The following ATXN7 variants were observed in gnomAD, a reference collection of about 807,000 sequenced individuals.
The protein encoded by ATXN7 is ataxin 7.
In ATXN7, 12 loss-of-function variants were observed where a neutral mutation model predicts 70.5. That is an observed-to-expected ratio of 0.17 (90% CI 0.11 to 0.28). The LOEUF is 0.28. Among genes scored for constraint, ATXN7 ranks in the 10% least tolerant of loss-of-function variants. The probability of loss-of-function intolerance (pLI) is 1.00; values close to 1 mark genes in which losing one functional copy is unlikely to be tolerated. For missense variants in ATXN7, 1,256 were observed against 1,131.7 expected (o/e 1.11, Z -1.58); for synonymous variants, 498 against 448.7 (o/e 1.11, Z -1.39).
At chr3:63,881,266 T>C (rs1702900139) in intron 1 of ATXN7, among the ~76,000 whole-genome samples, 3 of 149,094 alleles carry the variant, frequency 2.0e-5, no homozygotes, top group Non-Finnish European at 1.5e-5. Context: ...GTAGTACCAA[T>C]GCTGAGAATG....
intron 5 of ATXN7, among the ~76,000 whole-genome samples, chr3:63,956,454 G>A (rs1017600599): frequency 1.3e-5 from 2 of 149,894 alleles, no homozygotes; most frequent in Middle Eastern, 3.2e-3. Flanking sequence ...AAAGAGTAAG[G>A]TGTTTCTTAC....
At chr3:63,972,481 G>A (rs1045043629) in intron 5 of ATXN7, among the ~76,000 whole-genome samples, 1 of 152,134 alleles carries the variant, frequency 6.6e-6, no homozygotes, top group Non-Finnish European at 1.5e-5. Flanking sequence ...CTGAAAGTGT[G>A]AGTGAGTTTC....
At position 63,990,360 on chromosome 3, in the gene ATXN7, C is replaced by T; in HGVS notation, c.1546C>T (p.Pro516Ser). Residue 516 changes from proline to serine, a missense_variant, in exon 10 of 13, where the codon CCT (proline) becomes TCT (serine). Transcript: ENST00000674280. Reference sequence around the variant, plus strand: ...GGACTGTCATTATTCAGGTCATCATCCTCAGCCAGCATCTGTAAGTTCCAC... The same window carrying T: ...GGACTGTCATTATTCAGGTCATCATTCTCAGCCAGCATCTGTAAGTTCCAC... ...KLDCHYSGHH[P>S]QPASFCTFGS... 2 of 1,614,184 alleles carry T rather than the reference C, an allele frequency of 1.2e-6. No homozygotes were observed. Among genetic ancestry groups the T allele is most frequent in the Non-Finnish European group, 1.7e-6 (2 of 1,180,036 alleles).
At chr3:63,892,410 A>ACACC (rs1559622021) in intron 1 of ATXN7, among the ~76,000 whole-genome samples, 1 of 81,164 alleles carries the variant, frequency 1.2e-5, no homozygotes, top group Non-Finnish European at 2.8e-5. Flanking sequence ...ACACACACAC[A>ACACC]CCCGCCAACT....
chr3:63,990,527 C>A, intron 10 of ATXN7, 153 bp downstream of exon 10: 2 of 1,162,906 alleles, frequency 1.7e-6, no homozygotes, highest in Non-Finnish European at 2.5e-6. Context: ...AGAGGCAGCA[C>A]ACACTCTGTA....
chr3:64,001,658 T>G lies in ATXN7; in HGVS notation c.*2191T>G, dbSNP rs1434979919. 6.6e-6 allele frequency: 1 copy of G among 152,212 alleles called. No individual in the cohort carries two copies. Among genetic ancestry groups the G allele is most frequent in the Non-Finnish European group, 1.5e-5 (1 of 68,032 alleles). The allele number at this position is 152,212 out of a possible 1,614,324, so 9.4% of individuals were successfully genotyped here. A position where few individuals can be genotyped will look rare whatever the true frequency, so the allele number is the denominator to read the frequency against. On this transcript the variant is annotated 3_prime_UTR_variant, in exon 13 of 13. Transcript: ENST00000674280. ...TTCTTAGACTGAGGTTTTAAATGAA[T>G]TTCATTATTTCTCCCGGTAATACAC...
intron 5 of ATXN7, among the ~76,000 whole-genome samples, chr3:63,964,957 A>C (rs554541863): frequency 1.3e-5 from 2 of 152,166 alleles, no homozygotes; most frequent in Non-Finnish European, 2.9e-5. Flanking sequence ...GGAGACTTGT[A>C]TTCCTGTAAA....
intron 8 of ATXN7, among the ~76,000 whole-genome samples, chr3:63,986,451 A>ACTTC (rs2075579424): frequency 6.6e-6 from 1 of 152,198 alleles, no homozygotes; most frequent in South Asian, 2.1e-4. Context: ...GGCACCGGGA[A>ACTTC]CATTCAAGCT....
chr3:63,973,691 G>A (rs905022271), intron 5 of ATXN7, among the ~76,000 whole-genome samples: 5 of 152,006 alleles, frequency 3.3e-5, no homozygotes, highest in Non-Finnish European at 5.9e-5. Context: ...ATGAGGATAC[G>A]TGGAACATTG....
chr3:63,863,820 C>T, upstream of ATXN7: 1 of 1,232,624 alleles, frequency 8.1e-7, no homozygotes, highest in Non-Finnish European at 1.0e-6. Flanking sequence ...GCGGCGGCGG[C>T]GGCGCAAGCT....
chr3:63,864,157 AG>A lies in ATXN7; in HGVS notation c.-111+1del, dbSNP rs1702329175. 6.8e-6 allele frequency among the ~76,000 whole-genome samples: 1 copy of A among 146,956 alleles called. No homozygotes were observed. The highest frequency in any genetic ancestry group is 2.5e-5 in the African/African-American group (1 of 40,306). On this transcript the variant is annotated splice_region_variant and 5_prime_UTR_variant, in exon 1 of 13. It introduces an in-frame stop codon into an upstream open reading frame of the 5' UTR. Coordinates refer to ENST00000674280, the MANE Select transcript of ATXN7 (RefSeq NM_001377405.1). ...GCCCCGGAGGCCGCAGCCAGCCGCC[AG>A]GTGAGCTCGCCCGGACGCCGCCAGG...
intron 5 of ATXN7, among the ~76,000 whole-genome samples, chr3:63,979,426 G>C (rs145302871): frequency 1.7e-3 from 263 of 152,262 alleles, no homozygotes; most frequent in Non-Finnish European, 3.2e-3. Flanking sequence ...TCTGCTGGTG[G>C]GTAGTGACAG....
At chr3:63,971,457 G>C (rs1474427245) in intron 5 of ATXN7, among the ~76,000 whole-genome samples, 2 of 152,164 alleles carry the variant, frequency 1.3e-5, no homozygotes, top group Non-Finnish European at 2.9e-5. Flanking sequence ...GGAATAAAAA[G>C]GACCTGGGAC....
intron 3 of ATXN7, 60 bp from the exon 4 acceptor site, chr3:63,913,097 C>T (rs1440054071): frequency 7.2e-6 from 11 of 1,528,614 alleles, no homozygotes; most frequent in Admixed American, 1.7e-5. Context: ...CGTGAGTGTG[C>T]GTCACACTCC....
chr3:63,912,157 G>C (rs1260573661), intron 2 of ATXN7: 1 of 152,210 alleles, frequency 6.6e-6, no homozygotes, highest in Non-Finnish European at 1.5e-5. Flanking sequence ...GCCGGGCCGG[G>C]CCCGGGGATG....
At chr3:63,996,518 C>A (rs765756393) in intron 12 of ATXN7, 35 bp downstream of exon 12, 1 of 1,595,186 alleles carries the variant, frequency 6.3e-7, no homozygotes, top group Non-Finnish European at 8.6e-7. Context: ...TGGGAATGCC[C>A]ATTTCTTCTC....
rs2106805233 is a variant in ATXN7 at position 63,996,110 on chromosome 3, A to G, written c.2288A>G (p.Asn763Ser). 3 of 1,614,206 alleles carry G rather than the reference A, an allele frequency of 1.9e-6. No homozygotes were observed. The highest frequency in any genetic ancestry group is 2.5e-6 in the Non-Finnish European group (3 of 1,180,030). Residue 763 changes from asparagine to serine, a missense_variant, in exon 12 of 13, where the codon AAT becomes AGT. By Grantham distance (46) the Asn-to-Ser change is conservative. Transcript: ENST00000674280. ...AGCATCGGCCTCAACTGTGTGACGA[A>G]TAAAGCAAATGCGGTGAACGTCCGG... ...SHSIGLNCVT[N>S]KANAVNVRHD...
chr3:63,897,442 C>T (rs1703479821), intron 1 of ATXN7, among the ~76,000 whole-genome samples: 1 of 152,164 alleles, frequency 6.6e-6, no homozygotes, highest in African/African-American at 2.4e-5. Context: ...ATGTTCAAAA[C>T]ATGGCATATA....
intron 1 of ATXN7, among the ~76,000 whole-genome samples, chr3:63,880,229 C>T (rs1285950973): frequency 6.6e-6 from 1 of 152,042 alleles, no homozygotes; most frequent in South Asian, 2.1e-4. Context: ...TCCACACTTA[C>T]CTATAATAAT....
Sources: gnomAD v4.1 joint callset for allele counts (sites outside exome capture counted in the v4.1 genomes callset) on GRCh38, gnomAD v4.1.1 for gene constraint, MANE v1.5 for transcripts, NCBI Gene and HGNC (gene_info 2026-07-23, HGNC 2026-07-21) for gene names.